DMD: variants seen among roughly 807,000 people sequenced by gnomAD.
The protein encoded by DMD is mutant dystrophin.
In DMD, 63 loss-of-function variants were observed where a neutral mutation model predicts 330.1. The observed-to-expected ratio is 0.19, with a 90% CI of 0.16 to 0.24. The LOEUF (loss-of-function observed/expected upper bound fraction) is 0.24, where lower values mean the gene tolerates loss of function less well. Among genes scored for constraint, DMD ranks in the 10% least tolerant of loss-of-function variants. The pLI, the probability that DMD is intolerant of heterozygous loss-of-function variation, is 1.00. For synonymous variants in DMD, 1,223 were observed against 959.8 expected (o/e 1.27, Z -5.07); for missense variants, 3,344 against 2,684.1 (o/e 1.25, Z -5.43).
At chrX:33,260,320 A>T (rs6631764) in intron 1 of DMD, among the ~76,000 whole-genome samples, 8,076 of 110,919 alleles carry the variant, frequency 0.073, 708 homozygotes, top group African/African-American at 0.25. Context: ...AAAAGATTTT[A>T]AAAAAATTCT....
At chrX:32,986,577 G>C (rs2092849978) in intron 2 of DMD, among the ~76,000 whole-genome samples, 1 of 112,021 alleles carries the variant, frequency 8.9e-6, no homozygotes, top group Non-Finnish European at 1.9e-5. Context: ...ATCCTATTCT[G>C]TATGGGATCA....
chrX:32,277,256 C>T (rs931095755), intron 43 of DMD, among the ~76,000 whole-genome samples: 2 of 111,434 alleles, frequency 1.8e-5, no homozygotes. Flanking sequence ...TATATGCACT[C>T]AACACTGGAG....
chrX:31,550,144 A>G (rs935012709), intron 55 of DMD, among the ~76,000 whole-genome samples: 1 of 111,585 alleles, frequency 9.0e-6, no homozygotes, highest in African/African-American at 3.3e-5. Flanking sequence ...GATACAGCCA[A>G]TTGATGCTTC....
At chrX:32,531,953 T>G (rs2047520857) in intron 17 of DMD, among the ~76,000 whole-genome samples, 2 of 111,368 alleles carry the variant, frequency 1.8e-5, no homozygotes, top group African/African-American at 6.5e-5. Context: ...AATGGCAATA[T>G]AAAATAATTT....
rs1289422967 is a variant in DMD, at chrX:32,885,445, A to G, written c.94-35625T>C. ...GAGAAATGACAAAAAAAAGTCAATC[A>G]TATTTTCATAAATATTAAGCTTCCC... On this transcript the variant is annotated intron_variant, in intron 2 of 78. Coordinates refer to ENST00000357033, the MANE Select transcript of DMD (RefSeq NM_004006.3). Among the ~76,000 whole-genome samples, 9 of 111,817 alleles carry G rather than the reference A, an allele frequency of 8.0e-5. No homozygotes were observed. The Admixed American group carries it at 8.6e-4, about 11-fold the overall frequency.
rs746629793 is a variant in DMD, at chrX:32,054,071, A to ATG, written c.6439-85559_6439-85558dup. 3.0e-3 allele frequency among the ~76,000 whole-genome samples: 223 copies of ATG among 75,087 alleles called. 2 individuals carry two copies. The highest frequency in any genetic ancestry group is 7.0e-3 in the Middle Eastern group (1 of 143). The allele number at this position is 75,087 out of a possible 115,157, so 65.2% of individuals were successfully genotyped here. On this transcript the variant is annotated intron_variant, in intron 44 of 78. Transcript: ENST00000357033. ...CTTAATCATATTGTATATGTGGGGT[A>ATG]TGTGTGTGTGTGTGTGTGAGAGAGA...
In DMD at chrX:32,485,131, C is replaced by T. The variant is rs777212124; in HGVS notation, c.2623-32G>A. ...CATAGAGTATGGAAAGTAAGTAACA[C>T]GTTTACTTTGCATACATTACATTTT... On this transcript the variant is annotated intron_variant, in intron 20 of 78. Transcript: ENST00000357033. 10 of 1,178,597 alleles carry T rather than the reference C, an allele frequency of 8.5e-6. No homozygotes were observed. In the South Asian group the frequency reaches 8.9e-5, roughly 11 times the overall value.
intron 44 of DMD, among the ~76,000 whole-genome samples, chrX:32,162,843 G>A (rs1189241995): frequency 9.2e-6 from 1 of 108,783 alleles, no homozygotes; most frequent in East Asian, 2.9e-4. Context: ...GACTCCCAAA[G>A]TGCTGGGATT....
chrX:32,580,855 C>A (rs1262699090), intron 13 of DMD, among the ~76,000 whole-genome samples: 2 of 110,861 alleles, frequency 1.8e-5, no homozygotes, highest in African/African-American at 6.6e-5. Flanking sequence ...GAGACAGAGT[C>A]TTTCTCTGTC....
chrX:32,586,577 TA>T (rs2054315936), intron 13 of DMD, among the ~76,000 whole-genome samples: 1 of 110,291 alleles, frequency 9.1e-6, no homozygotes, highest in African/African-American at 3.3e-5. Flanking sequence ...ATGAATGAGT[TA>T]AATTTACAGG....
chrX:32,642,452 G>A (rs937088234), intron 11 of DMD, among the ~76,000 whole-genome samples: 3 of 111,729 alleles, frequency 2.7e-5, no homozygotes, highest in East Asian at 2.8e-4. Flanking sequence ...ATCTCAGCTA[G>A]GTGGTAATAC....
intron 2 of DMD, among the ~76,000 whole-genome samples, chrX:33,007,839 TCTGA>T (rs1018522862): frequency 8.9e-5 from 10 of 111,952 alleles, no homozygotes; most frequent in Non-Finnish European, 1.3e-4. Context: ...ATATTTATTC[TCTGA>T]CTGACATAAT....
intron 7 of DMD, among the ~76,000 whole-genome samples, chrX:32,777,417 G>C (rs763388029): frequency 9.1e-6 from 1 of 109,555 alleles, no homozygotes; most frequent in African/African-American, 3.3e-5. Flanking sequence ...GAATTTCTCA[G>C]AAAACTTAAC....
chrX:31,766,538 G>A (rs1369950195), intron 51 of DMD, among the ~76,000 whole-genome samples: 3 of 112,262 alleles, frequency 2.7e-5, no homozygotes, highest in Non-Finnish European at 3.8e-5. Flanking sequence ...GATTACAGGC[G>A]TGAGCTACCA....
intron 52 of DMD, among the ~76,000 whole-genome samples, chrX:31,711,979 C>G (rs1013822218): frequency 9.0e-6 from 1 of 110,813 alleles, no homozygotes; most frequent in Non-Finnish European, 1.9e-5. Flanking sequence ...TATACTATAA[C>G]GGCATTTGAA....
intron 48 of DMD, among the ~76,000 whole-genome samples, chrX:31,867,091 G>GATATATATATAT (rs35804192): frequency 8.5e-4 from 86 of 101,303 alleles, no homozygotes; most frequent in African/African-American, 2.8e-3. Flanking sequence ...AACATATTTT[G>GATATATATATAT]ATATATATAT....
At chrX:33,238,677 CTG>C (rs1191350864) in intron 1 of DMD, among the ~76,000 whole-genome samples, 2 of 111,394 alleles carry the variant, frequency 1.8e-5, no homozygotes, top group Non-Finnish European at 3.8e-5. Context: ...GATAAGAAAA[CTG>C]AGATTTAGTA....
chrX:31,751,195 C>A (rs2088534080), intron 51 of DMD, among the ~76,000 whole-genome samples: 1 of 109,954 alleles, frequency 9.1e-6, no homozygotes, highest in African/African-American at 3.3e-5. Flanking sequence ...CCAAGTCAAT[C>A]CTAAGCCAAA....
At chrX:31,196,398 C>T (rs1004103262) in intron 67 of DMD, among the ~76,000 whole-genome samples, 1 of 110,880 alleles carries the variant, frequency 9.0e-6, no homozygotes, top group Non-Finnish European at 1.9e-5. Context: ...AGTATTCATC[C>T]GTCCAAAAGG....
Sources: gnomAD v4.1 joint callset for allele counts (sites outside exome capture counted in the v4.1 genomes callset) on GRCh38, gnomAD v4.1.1 for gene constraint, MANE v1.5 for transcripts, NCBI Gene and HGNC (gene_info 2026-07-23, HGNC 2026-07-21) for gene names.